DOCK7: variants seen among roughly 807,000 people sequenced by gnomAD.
The protein encoded by DOCK7 is dedicator of cytokinesis 7.
Under a neutral mutation model 271.0 loss-of-function variants are expected in DOCK7, and 138 were observed. The ratio of observed to expected loss-of-function variants is 0.51; its 90% confidence interval spans 0.44 to 0.59. The LOEUF is 0.59. DOCK7 is among the 20% of genes least tolerant of loss of function. The pLI, the probability that DOCK7 is intolerant of heterozygous loss-of-function variation, is 0.00. For missense variants in DOCK7, 2,066 were observed against 2,592.4 expected, an observed-to-expected ratio of 0.80 and a Z score of 4.41; for synonymous variants, 823 against 876.1, an observed-to-expected ratio of 0.94 and a Z score of 1.07.
At chr1:62,488,778 T>C in intron 42 of DOCK7, 156 bp downstream of exon 42, 1 of 921,704 alleles carries the variant, frequency 1.1e-6, no homozygotes, top group Non-Finnish European at 1.7e-6. Flanking sequence ...GTTAATGAGC[T>C]TTGCTTTGGC....
chr1:62,587,608 CACA>C (rs2149501893), intron 14 of DOCK7, among the ~76,000 whole-genome samples: 1 of 152,150 alleles, frequency 6.6e-6, no homozygotes, highest in African/African-American at 2.4e-5. Flanking sequence ...TATAAAGAAA[CACA>C]ACGTTTATCA....
At chr1:62,642,935 T>C (rs1236085345) in intron 7 of DOCK7, among the ~76,000 whole-genome samples, 1 of 152,218 alleles carries the variant, frequency 6.6e-6, no homozygotes, top group African/African-American at 2.4e-5. Context: ...AGTCTATTTC[T>C]CCATACCTTG....
intron 29 of DOCK7, chr1:62,530,516 T>G (rs1571420656): frequency 1.3e-5 from 2 of 152,224 alleles, no homozygotes; most frequent in African/African-American, 4.8e-5. Flanking sequence ...CCCAGAGCCC[T>G]TGATTGTATC....
intron 16 of DOCK7, among the ~76,000 whole-genome samples, chr1:62,582,734 G>T (rs533194704): frequency 6.6e-6 from 1 of 151,868 alleles, no homozygotes; most frequent in South Asian, 2.1e-4. Flanking sequence ...CCAAAAGAAA[G>T]AAGAAATTAA....
At chr1:62,638,632 AATAT>A (rs983827898) in intron 7 of DOCK7, among the ~76,000 whole-genome samples, 1 of 148,310 alleles carries the variant, frequency 6.7e-6, no homozygotes, top group Non-Finnish European at 1.5e-5. Flanking sequence ...TATTTTCATG[AATAT>A]ATATATTTTT....
intron 47 of DOCK7, among the ~76,000 whole-genome samples, chr1:62,474,779 G>A (rs1207600060): frequency 2.0e-5 from 3 of 152,072 alleles, no homozygotes; most frequent in Non-Finnish European, 4.4e-5. Flanking sequence ...CAACCACAAG[G>A]ACTAATGGGG....
chr1:62,561,872 A>G (rs1646333628), intron 18 of DOCK7, among the ~76,000 whole-genome samples, 169 bp from the exon 19 acceptor site: 2 of 152,066 alleles, frequency 1.3e-5, no homozygotes, highest in South Asian at 2.1e-4. Flanking sequence ...AAATCAAGCA[A>G]TGTTTTCTAC....
At chr1:62,638,722 C>T (rs2149650047) in intron 7 of DOCK7, among the ~76,000 whole-genome samples, 1 of 149,504 alleles carries the variant, frequency 6.7e-6, no homozygotes, top group South Asian at 2.1e-4. Context: ...TCCCATGATA[C>T]AAATTATATA....
chr1:62,471,716 A>T (rs530403467), intron 48 of DOCK7, among the ~76,000 whole-genome samples: 111 of 152,348 alleles, frequency 7.3e-4, no homozygotes, highest in African/African-American at 2.6e-3. Flanking sequence ...TTTTAATTTA[A>T]CAAAAGAAAA....
At chr1:62,588,035 A>T (rs1030469444) in intron 14 of DOCK7, among the ~76,000 whole-genome samples, 9 of 152,118 alleles carry the variant, frequency 5.9e-5, no homozygotes, top group Admixed American at 3.3e-4. Flanking sequence ...ACCAACTAGA[A>T]GTACTAAAAA....
chr1:62,471,783 T>C (rs1213257744), intron 48 of DOCK7, among the ~76,000 whole-genome samples: 4 of 152,226 alleles, frequency 2.6e-5, no homozygotes, highest in Non-Finnish European at 5.9e-5. Context: ...TTCCAGTATA[T>C]TAATTTTAGG....
At chr1:62,466,620 G>C (rs1645684137) in intron 48 of DOCK7, among the ~76,000 whole-genome samples, 1 of 152,096 alleles carries the variant, frequency 6.6e-6, no homozygotes, top group Non-Finnish European at 1.5e-5. Context: ...TCTTGAAGTG[G>C]TCTACTTGCC....
Position 62,601,692 on chromosome 1 carries a change from T to C in DOCK7, c.1683-15068A>G, listed in dbSNP as rs891624648. 7.6e-6 allele frequency: 8 copies of C among 1,049,884 alleles called. No homozygotes were observed. In the African/African-American group the frequency reaches 1.3e-4, roughly 17 times the overall value. The allele number at this position is 1,049,884 out of a possible 1,614,324, so 65.0% of individuals were successfully genotyped here. On this transcript the variant is annotated intron_variant, in intron 14 of 49. Transcript: ENST00000635253. ...CTACATTTGCCACAACTTCATAAAA[T>C]GTCAAGTGAAATCTCAAGCTCCAAA... is the stretch of plus-strand genomic sequence containing the variant.
intron 22 of DOCK7, among the ~76,000 whole-genome samples, chr1:62,549,703 G>C (rs1368179735): frequency 2.0e-5 from 3 of 151,722 alleles, no homozygotes; most frequent in Non-Finnish European, 2.9e-5. Context: ...ATAATAAACA[G>C]TATTTACCTA....
At chr1:62,573,391 G>GA (rs1185603608) in intron 18 of DOCK7, among the ~76,000 whole-genome samples, 1 of 152,128 alleles carries the variant, frequency 6.6e-6, no homozygotes, top group Non-Finnish European at 1.5e-5. Context: ...CTATGTGCAA[G>GA]AAAAAGCCAG....
chr1:62,531,834 T>C (rs552864701), intron 29 of DOCK7, among the ~76,000 whole-genome samples: 1 of 152,326 alleles, frequency 6.6e-6, no homozygotes, highest in South Asian at 2.1e-4. Context: ...CAAATTAACA[T>C]ACATTAGCAA....
chr1:62,654,325 T>C (rs1657729247), intron 2 of DOCK7, among the ~76,000 whole-genome samples, 166 bp from the exon 3 acceptor site: 1 of 152,200 alleles, frequency 6.6e-6, no homozygotes, highest in Non-Finnish European at 1.5e-5. Context: ...CACAAAGTGT[T>C]ACCCTTCTTG....
chr1:62,684,983 A>G (rs1572017497), intron 1 of DOCK7, among the ~76,000 whole-genome samples: 1 of 152,230 alleles, frequency 6.6e-6, no homozygotes, highest in South Asian at 2.1e-4. Flanking sequence ...CTTTGAAAAG[A>G]AATAAGGTTT....
chr1:62,563,452 G>A (rs1370431810), intron 18 of DOCK7, among the ~76,000 whole-genome samples: 1 of 151,976 alleles, frequency 6.6e-6, no homozygotes, highest in Non-Finnish European at 1.5e-5. Flanking sequence ...GGATTTTAAA[G>A]CAGGTATCAT....
Sources: allele counts gnomAD v4.1 joint callset (sites outside exome capture counted in the v4.1 genomes callset), GRCh38; gene constraint gnomAD v4.1.1; transcripts MANE v1.5; gene names NCBI Gene and HGNC (gene_info 2026-07-23, HGNC 2026-07-21).